The following CHD2 variants were observed in gnomAD, a reference collection of about 807,000 sequenced individuals.
The protein encoded by CHD2 is ATP-dependent chromatin remodeler CHD2.
A neutral mutation model predicts 243.9 loss-of-function variants in CHD2; 28 were observed. The ratio of observed to expected loss-of-function variants is 0.11; its 90% CI spans 0.09 to 0.16. CHD2 has a LOEUF of 0.16. Among genes scored for constraint, CHD2 ranks in the 10% least tolerant of loss-of-function variants. The pLI is 1.00. For synonymous variants in CHD2, 775 were observed against 779.0 expected (o/e 0.99, Z 0.09); for missense variants, 1,386 against 2,209.8 (o/e 0.63, Z 7.47).
intron 19 of CHD2, among the ~76,000 whole-genome samples, chr15:92,972,993 C>T (rs2141837014): frequency 6.6e-6 from 1 of 151,752 alleles, no homozygotes; most frequent in South Asian, 2.1e-4. Context: ...TCAAACGGGG[C>T]AAGATAAAAA....
intron 2 of CHD2, chr15:92,904,416 G>C: frequency 2.0e-6 from 2 of 981,794 alleles, no homozygotes; most frequent in Non-Finnish European, 2.4e-6. Flanking sequence ...GGCGGGGAGA[G>C]AACGCAGTGA....
chr15:93,004,527 C>T, intron 33 of CHD2, 90 bp from the exon 34 acceptor site: 2 of 1,204,002 alleles, frequency 1.7e-6, no homozygotes, highest in South Asian at 2.2e-5. Flanking sequence ...CATATTTACC[C>T]ATTTTAATAA....
chr15:92,942,392 C>CT (rs2053396396), intron 8 of CHD2, among the ~76,000 whole-genome samples: 1 of 147,002 alleles, frequency 6.8e-6, no homozygotes. Flanking sequence ...ATACTTAATG[C>CT]TTTTTCTTTT....
intron 16 of CHD2, among the ~76,000 whole-genome samples, chr15:92,963,461 T>C (rs1224950344): frequency 2.0e-5 from 3 of 152,216 alleles, no homozygotes; most frequent in African/African-American, 4.8e-5. Context: ...CCTTATGTTA[T>C]AAATCCAAGA....
chr15:93,026,852 G>C lies in CHD2; in HGVS notation c.*2147G>C, dbSNP rs2054590352. 1 of 152,614 alleles carries C rather than the reference G, an allele frequency of 6.6e-6. No homozygotes were observed. The highest frequency in any genetic ancestry group is 1.5e-5 in the Non-Finnish European group (1 of 68,076). 9.5% of individuals were successfully genotyped at this position (152,614 alleles called of 1,614,324 possible). Reference sequence around the variant, plus strand: ...GCAGAGAGTTGGGTAGTGTCCTTCAGGAATGAAAGGAGGGGCAAAGGAGTC... The same window carrying C: ...GCAGAGAGTTGGGTAGTGTCCTTCACGAATGAAAGGAGGGGCAAAGGAGTC... On this transcript the variant is annotated 3_prime_UTR_variant, in exon 39 of 39. Coordinates refer to ENST00000394196, the MANE Select transcript of CHD2 (RefSeq NM_001271.4).
chr15:92,900,897 A>G (rs956526605), intron 1 of CHD2, 73 bp downstream of exon 1: 8 of 407,246 alleles, frequency 2.0e-5, no homozygotes, highest in Admixed American at 8.9e-5. Flanking sequence ...TGTAAATACG[A>G]GAAATTCTTG....
intron 2 of CHD2, chr15:92,902,215 C>T: frequency 7.5e-6 from 3 of 397,798 alleles, no homozygotes; most frequent in Non-Finnish European, 1.3e-5. Flanking sequence ...TAAAAATGTA[C>T]TGTTTGTGCA....
intron 5 of CHD2, among the ~76,000 whole-genome samples, 156 bp downstream of exon 5, chr15:92,929,247 C>G (rs753022444): frequency 6.6e-6 from 1 of 152,106 alleles, no homozygotes; most frequent in African/African-American, 2.4e-5. Context: ...TGACCTGTTG[C>G]AATAGCAGCA....
chr15:92,988,969 C>A (rs1004981691), intron 26 of CHD2, among the ~76,000 whole-genome samples: 1 of 150,042 alleles, frequency 6.7e-6, no homozygotes, highest in African/African-American at 2.5e-5. Context: ...GCTAGACTTC[C>A]TTAGGGATGG....
chr15:92,909,776 G>T (rs1042763377), intron 2 of CHD2, among the ~76,000 whole-genome samples: 1 of 151,742 alleles, frequency 6.6e-6, no homozygotes, highest in Non-Finnish European at 1.5e-5. Flanking sequence ...CTAGACCTCC[G>T]AAAGTGCTGG....
chr15:92,939,960 G>C (rs563562511), intron 7 of CHD2, among the ~76,000 whole-genome samples: 1 of 152,130 alleles, frequency 6.6e-6, no homozygotes, highest in South Asian at 2.1e-4. Flanking sequence ...CCACAAGTTC[G>C]TGTCCTGTCC....
chr15:92,980,695 T>C, intron 22 of CHD2, 120 bp from the exon 23 acceptor site: 1 of 672,570 alleles, frequency 1.5e-6, no homozygotes, highest in Non-Finnish European at 2.5e-6. Context: ...ATCATTTTTC[T>C]TGAGGCAGAG....
chr15:92,904,549 C>T (rs1465955890), intron 2 of CHD2: 2 of 1,005,250 alleles, frequency 2.0e-6, no homozygotes, highest in South Asian at 4.3e-5. Context: ...TTCCTGGACG[C>T]GTTTGCTCCT....
chr15:92,991,308 G>A, intron 26 of CHD2, 168 bp from the exon 27 acceptor site: 1 of 496,040 alleles, frequency 2.0e-6, no homozygotes, highest in Non-Finnish European at 3.6e-6. Flanking sequence ...AAGTTGACTA[G>A]TTTCAAAGAC....
intron 2 of CHD2, among the ~76,000 whole-genome samples, chr15:92,922,303 G>T (rs1357176232): frequency 6.6e-6 from 1 of 152,096 alleles, no homozygotes; most frequent in African/African-American, 2.4e-5. Flanking sequence ...ATGCCTAATA[G>T]TATTGTCCTT....
chr15:92,964,733 G>A (rs1040105162), intron 16 of CHD2, among the ~76,000 whole-genome samples: 3 of 152,134 alleles, frequency 2.0e-5, no homozygotes, highest in Non-Finnish European at 4.4e-5. Flanking sequence ...TGCAAAGCAT[G>A]GAACTTGGTA....
intron 13 of CHD2, among the ~76,000 whole-genome samples, chr15:92,952,880 T>A (rs1466528151): frequency 6.6e-6 from 1 of 152,232 alleles, no homozygotes; most frequent in Non-Finnish European, 1.5e-5. Context: ...ACAAGCCCCA[T>A]GCACCTATAC....
At chr15:92,912,755 CA>C (rs1192214386) in intron 2 of CHD2, among the ~76,000 whole-genome samples, 5 of 152,100 alleles carry the variant, frequency 3.3e-5, no homozygotes, top group Admixed American at 6.5e-5. Flanking sequence ...AGGCTGGTCT[CA>C]AACTCCTGAC....
intron 12 of CHD2, 84 bp from the exon 13 acceptor site, chr15:92,948,868 G>A: frequency 6.9e-7 from 1 of 1,459,306 alleles, no homozygotes; most frequent in South Asian, 1.3e-5. Context: ...TTTATGCTTT[G>A]ATGCCGAATA....
Sources: allele counts gnomAD v4.1 joint callset (sites outside exome capture counted in the v4.1 genomes callset), GRCh38; gene constraint gnomAD v4.1.1; transcripts MANE v1.5; gene names NCBI Gene and HGNC (gene_info 2026-07-23, HGNC 2026-07-21).